CCDC73: variants seen among roughly 807,000 people sequenced by gnomAD.
CCDC73 encodes coiled-coil domain containing 73.
Under a neutral mutation model 116.5 loss-of-function variants are expected in CCDC73, and 95 were observed. The observed-to-expected ratio is 0.82, with a 90% CI of 0.69 to 0.97. The LOEUF (loss-of-function observed/expected upper bound fraction) is 0.97. Among genes scored for constraint, CCDC73 ranks in the 50% least tolerant of loss-of-function variants. The pLI, the probability that CCDC73 is intolerant of heterozygous loss-of-function variation, is 0.00. For missense variants in CCDC73, 1,066 were observed against 1,206.8 expected (o/e 0.88, Z 1.73); for synonymous variants, 398 against 401.3 (o/e 0.99, Z 0.10).
rs768371142 is a variant in CCDC73, at chr11:32,665,893, GA to G, written c.645+9671del. ...TCTCAGCATTTGCTTGTCTATAAAGGATTTTATTTCTCCTTCACTTATGAAG... is the reference window on the plus strand; with the variant it reads ...TCTCAGCATTTGCTTGTCTATAAAGGTTTTATTTCTCCTTCACTTATGAAG... On this transcript the variant is annotated intron_variant, in intron 9 of 17. Transcript: ENST00000335185. Among the ~76,000 whole-genome samples the G allele has an allele frequency of 2.6e-5, 4 of 152,162 alleles. No individual in the cohort carries two copies. The South Asian group carries it at 6.2e-4, about 24-fold the overall frequency.
At chr11:32,681,269 A>G (rs1296243262) in intron 7 of CCDC73, 4 of 152,028 alleles carry the variant, frequency 2.6e-5, no homozygotes, top group Non-Finnish European at 5.9e-5. Context: ...GATAAATTCA[A>G]TTATTACCCA....
At chr11:32,692,251 G>A (rs1036005364) in intron 6 of CCDC73, among the ~76,000 whole-genome samples, 1 of 151,764 alleles carries the variant, frequency 6.6e-6, no homozygotes, top group Non-Finnish European at 1.5e-5. Context: ...TTGTTGAGAA[G>A]GATGCATTTT....
intron 7 of CCDC73, among the ~76,000 whole-genome samples, chr11:32,676,376 A>AT (rs1467161546): frequency 2.6e-5 from 4 of 152,302 alleles, no homozygotes; most frequent in South Asian, 4.1e-4. Context: ...TTTACGAGGT[A>AT]TTTTTTCTCT....
intron 6 of CCDC73, among the ~76,000 whole-genome samples, chr11:32,684,790 C>G (rs1442641879): frequency 6.6e-6 from 1 of 152,012 alleles, no homozygotes; most frequent in Non-Finnish European, 1.5e-5. Flanking sequence ...CAAAACCAAC[C>G]TGGGCAACAT....
At chr11:32,796,093 G>A (rs1246408248), upstream of CCDC73, among the ~76,000 whole-genome samples, 3 of 152,110 alleles carry the variant, frequency 2.0e-5, no homozygotes, top group Non-Finnish European at 4.4e-5. Flanking sequence ...CACCTTTTTA[G>A]GGAAAGCATT....
intron 2 of CCDC73, among the ~76,000 whole-genome samples, chr11:32,755,542 T>TATAC (rs1209965810): frequency 1.6e-5 from 2 of 128,500 alleles, no homozygotes; most frequent in Non-Finnish European, 3.2e-5. Flanking sequence ...TCAAAATATA[T>TATAC]ATATATATAT....
chr11:32,665,254 G>A (rs1042662694), intron 9 of CCDC73, among the ~76,000 whole-genome samples: 8 of 152,226 alleles, frequency 5.3e-5, no homozygotes, highest in South Asian at 2.1e-4. Context: ...TGTTGACAGT[G>A]GGGTGTTAAA....
At chr11:32,735,366 T>C (rs1255780880) in intron 2 of CCDC73, among the ~76,000 whole-genome samples, 2 of 152,186 alleles carry the variant, frequency 1.3e-5, no homozygotes, top group Non-Finnish European at 2.9e-5. Flanking sequence ...AGCATTCTTA[T>C]ACACCAATAA....
chr11:32,773,755 G>A (rs1265258396), intron 1 of CCDC73, among the ~76,000 whole-genome samples: 3 of 148,694 alleles, frequency 2.0e-5, no homozygotes, highest in Admixed American at 6.8e-5. Flanking sequence ...CCTCCAGCCT[G>A]GGTAACAGAG....
the CCDC73 span, among the ~76,000 whole-genome samples, chr11:32,802,798 G>A: frequency 3.9e-5 from 6 of 152,128 alleles, no homozygotes; most frequent in South Asian, 8.3e-4. Context: ...TGTTGCCCAG[G>A]CTGGAGTGCA....
At chr11:32,818,032 A>G in the CCDC73 span, among the ~76,000 whole-genome samples, 1 of 152,224 alleles carries the variant, frequency 6.6e-6, no homozygotes, top group Admixed American at 6.5e-5. Flanking sequence ...TAACTTGCCA[A>G]TCCTGTAATA....
In CCDC73 at chr11:32,749,586, G is replaced by T. The variant is rs770723369; in HGVS notation, c.135+10523C>A. Among the ~76,000 whole-genome samples the T allele has an allele frequency of 2.4e-4, 36 of 152,090 alleles. 1 individual carries two copies. In the Middle Eastern group the frequency reaches 0.014, roughly 57 times the overall value. ...ATGGTCTTGATGCTTGTGAGTGTTC[G>T]TCAGTGTCTGGGCATTGAAGAGTGG... On this transcript the variant is annotated intron_variant, in intron 2 of 17. Transcript: ENST00000335185.
At chr11:32,622,232 C>T (rs963970306) in intron 14 of CCDC73, among the ~76,000 whole-genome samples, 5 of 152,026 alleles carry the variant, frequency 3.3e-5, no homozygotes, top group South Asian at 2.1e-4. Context: ...CAGCACTATT[C>T]GCAATAGCAA....
chr11:32,793,881 G>A (rs1850699117), intron 1 of CCDC73, among the ~76,000 whole-genome samples: 2 of 152,090 alleles, frequency 1.3e-5, no homozygotes, highest in South Asian at 4.2e-4. Context: ...AAAGTGCTGG[G>A]ACTACAGATG....
At chr11:32,607,008 C>T (rs1420885404) in intron 17 of CCDC73, among the ~76,000 whole-genome samples, 7 of 150,944 alleles carry the variant, frequency 4.6e-5, no homozygotes, top group South Asian at 2.1e-4. Flanking sequence ...AACTCCTGAC[C>T]TTGTGATCCG....
chr11:32,752,053 G>C (rs1249651290), intron 2 of CCDC73, among the ~76,000 whole-genome samples: 1 of 152,162 alleles, frequency 6.6e-6, no homozygotes, highest in Non-Finnish European at 1.5e-5. Context: ...TCCCCATGTA[G>C]CTTCTCATAA....
Position 32,613,902 on chromosome 11 carries a change from ACTCTGT to A in CCDC73, c.2410_2415del (p.Thr804_Glu805del), listed in dbSNP as rs780662324. The A allele has an allele frequency of 5.6e-6, 9 of 1,611,946 alleles. No individual in the cohort carries two copies. The Admixed American group carries it at 6.7e-5, about 12-fold the overall frequency. On this transcript the variant is annotated inframe_deletion, in exon 16 of 18. Transcript: ENST00000335185. ...TCAATCTGATTCTTTTTATTGGAAA[ACTCTGT>A]TTCTGTGCAAGTTTTCATGTGAACA...
At chr11:32,804,633 G>A in the CCDC73 span, among the ~76,000 whole-genome samples, 2 of 152,178 alleles carry the variant, frequency 1.3e-5, no homozygotes, top group African/African-American at 2.4e-5. Flanking sequence ...CCCAGAAATA[G>A]TGAATAGGTT....
At chr11:32,795,895 G>A (rs11031991), upstream of CCDC73, among the ~76,000 whole-genome samples, 88,310 of 151,168 alleles carry the variant, frequency 0.58, 26,059 homozygotes, top group East Asian at 0.84. Flanking sequence ...TCACCATGTT[G>A]GCCAGGCTGG....
Sources: gnomAD v4.1 joint callset for allele counts (sites outside exome capture counted in the v4.1 genomes callset) on GRCh38, gnomAD v4.1.1 for gene constraint, MANE v1.5 for transcripts, NCBI Gene and HGNC (gene_info 2026-07-23, HGNC 2026-07-21) for gene names.